MGST1: variants seen among roughly 807,000 people sequenced by gnomAD.
MGST1 encodes glutathione S-transferase 12.
MGST1 carries 5 observed loss-of-function variants against 8.9 expected under a neutral mutation model. The observed-to-expected ratio is 0.56, with a 90% confidence interval of 0.29 to 1.19. The LOEUF (loss-of-function observed/expected upper bound fraction) is 1.19, where lower values mean the gene tolerates loss of function less well. MGST1 is among the 50% of genes most tolerant of loss of function. The probability of loss-of-function intolerance (pLI) is 0.08; values close to 1 mark genes in which losing one functional copy is unlikely to be tolerated. For missense variants in MGST1, 182 were observed against 187.4 expected, an observed-to-expected ratio of 0.97 and a Z score of 0.17; for synonymous variants, 54 against 67.8, an observed-to-expected ratio of 0.80 and a Z score of 1.00.
At chr12:16,424,792 G>A (rs193256852) in intron 1 of MGST1, among the ~76,000 whole-genome samples, 9 of 152,256 alleles carry the variant, frequency 5.9e-5, no homozygotes, top group Admixed American at 5.9e-4. Flanking sequence ...TCATTAAAAT[G>A]AGAGTCATCC....
At chr12:16,565,411 A>T (rs1429722640) in intron 4 of MGST1, among the ~76,000 whole-genome samples, 1 of 152,172 alleles carries the variant, frequency 6.6e-6, no homozygotes, top group Admixed American at 6.5e-5. Flanking sequence ...AACACTTTAA[A>T]CATTCAATTC....
intron 1 of MGST1, among the ~76,000 whole-genome samples, chr12:16,394,562 CT>C (rs760035221): frequency 0.18 from 11,852 of 64,272 alleles, 926 homozygotes; most frequent in Admixed American, 0.24. Context: ...TTCTTTCTTT[CT>C]TTCTTTCTTT....
At chr12:16,498,233 G>A (rs117327298) in intron 4 of MGST1, among the ~76,000 whole-genome samples, 355 of 152,268 alleles carry the variant, frequency 2.3e-3, no homozygotes, top group Non-Finnish European at 4.1e-3. Context: ...ACTTCTGGCT[G>A]AGCTGAAAGA....
chr12:16,402,388 A>G (rs909717751), intron 1 of MGST1: 421 of 1,604,636 alleles, frequency 2.6e-4, no homozygotes, highest in Non-Finnish European at 3.3e-4. Context: ...TCACTCACCG[A>G]TAATAAGCGT....
At chr12:16,442,328 C>G (rs1010848836), downstream of MGST1, among the ~76,000 whole-genome samples, 8 of 151,704 alleles carry the variant, frequency 5.3e-5, no homozygotes, top group African/African-American at 1.7e-4. This position sits in a 1 kb window ranked among gnomAD's most constrained non-coding sequence, Gnocchi z 4.5. Context: ...TGAAGTCTAG[C>G]TTATCAATTA....
chr12:16,366,825 A>G (rs1940200839), downstream of MGST1, among the ~76,000 whole-genome samples: 1 of 152,166 alleles, frequency 6.6e-6, no homozygotes, highest in Non-Finnish European at 1.5e-5. The surrounding 1 kb of genome is among the most constrained non-coding windows in gnomAD (Gnocchi z 4.0). Flanking sequence ...TTCAAGGTCC[A>G]CTGAAACTGG....
At chr12:16,529,222 C>T (rs945412043) in intron 4 of MGST1, among the ~76,000 whole-genome samples, 1 of 151,890 alleles carries the variant, frequency 6.6e-6, no homozygotes, top group Non-Finnish European at 1.5e-5. Context: ...TTCTTCTTTC[C>T]CAGGATACCC....
At chr12:16,435,992 T>TACACACAC (rs35784515) in intron 1 of MGST1, among the ~76,000 whole-genome samples, 101 of 149,386 alleles carry the variant, frequency 6.8e-4, no homozygotes, top group African/African-American at 1.6e-3. Flanking sequence ...CTGCTGCAAA[T>TACACACAC]ACACACACAC....
At chr12:16,580,166 A>G (rs945390635) in intron 4 of MGST1, among the ~76,000 whole-genome samples, 3 of 152,174 alleles carry the variant, frequency 2.0e-5, no homozygotes, top group African/African-American at 7.2e-5. Flanking sequence ...GGATCTCTCT[A>G]TGTTGCCCAG....
chr12:16,547,374 G>A lies in MGST1; in HGVS notation n.483-42154G>A, dbSNP rs1941837504. Among the ~76,000 whole-genome samples, 1 of 152,130 alleles carries A rather than the reference G, an allele frequency of 6.6e-6. No individual in the cohort carries two copies. The highest frequency in any genetic ancestry group is 2.4e-5 in the African/African-American group (1 of 41,444). ...ATGTTCTTTTTTATCATGTGCTATT[G>A]AGTTAATGAGTAATTTGTGTGCGAT... is the stretch of plus-strand genomic sequence containing the variant. On this transcript the variant is annotated intron_variant and non_coding_transcript_variant, in intron 4 of 4. Coordinates refer to the MGST1 transcript ENST00000538857. This position sits in a 1 kb window ranked among gnomAD's most constrained non-coding sequence, Gnocchi z 4.6.
intron 4 of MGST1, among the ~76,000 whole-genome samples, chr12:16,553,912 A>ACTGTAAGTATATTAACAGGCTACAATT (rs1942086130): frequency 6.6e-6 from 1 of 151,986 alleles, no homozygotes; most frequent in African/African-American, 2.4e-5. Flanking sequence ...GCCAGAGGAT[A>ACTGTAAGTATATTAACAGGCTACAATT]CTGTAAGTAT....
In MGST1 at chr12:16,350,785, T is replaced by A. The variant is rs972455593; in HGVS notation, c.-23+3075T>A. The A allele has an allele frequency of 4.6e-5, 7 of 152,202 alleles. No homozygotes were observed. In the East Asian group the frequency reaches 1.3e-3, roughly 29 times the overall value. The allele number at this position is 152,202 out of a possible 1,614,324, so 9.4% of individuals were successfully genotyped here. A position where few individuals can be genotyped will look rare whatever the true frequency, so the allele number is the denominator to read the frequency against. ...GAAGATGTTACCCTGGAGAGATGGT[T>A]CATTGACTCATCAGGTGTGTGTCAG... On this transcript the variant is annotated intron_variant, in intron 1 of 3. Coordinates refer to ENST00000396210, the MANE Select transcript of MGST1 (RefSeq NM_020300.5).
intron 3 of MGST1, among the ~76,000 whole-genome samples, chr12:16,373,313 T>C (rs1940327538): frequency 6.6e-6 from 1 of 151,680 alleles, no homozygotes; most frequent in Non-Finnish European, 1.5e-5. Context: ...TATGGTTGGA[T>C]GGAAGGAATC....
chr12:16,390,199 G>A (rs10772927), intron 1 of MGST1, among the ~76,000 whole-genome samples: 25,788 of 143,620 alleles, frequency 0.18, 2,515 homozygotes, highest in East Asian at 0.43. Context: ...CACCTCAGGG[G>A]AAAAAAAAAA....
intron 4 of MGST1, among the ~76,000 whole-genome samples, chr12:16,534,893 A>G (rs1211393422): frequency 2.0e-5 from 3 of 152,164 alleles, no homozygotes; most frequent in Admixed American, 6.5e-5. Flanking sequence ...CCTGAACACT[A>G]CCAAATCTGA....
chr12:16,395,282 C>A (rs1274479345), intron 1 of MGST1, among the ~76,000 whole-genome samples: 3 of 152,064 alleles, frequency 2.0e-5, no homozygotes, highest in African/African-American at 7.2e-5. Context: ...TTGCAATAAA[C>A]CTCTGCCATA....
Position 16,513,529 on chromosome 12 carries a change from G to T in MGST1, n.483-75999G>T. 1 of 484,622 alleles carries T rather than the reference G, an allele frequency of 2.1e-6. No individual in the cohort carries two copies. Among genetic ancestry groups the T allele is most frequent in the Non-Finnish European group, 4.2e-6 (1 of 235,972 alleles). The allele number at this position is 484,622 out of a possible 1,614,324, so 30.0% of individuals were successfully genotyped here. A position where few individuals can be genotyped will look rare whatever the true frequency, so the allele number is the denominator to read the frequency against. ...GGGACCACCAGATCCCATCCTTGGAGTCACCGAAGGCTTTAAGAGGGACAC... is the reference window on the plus strand; with the variant it reads ...GGGACCACCAGATCCCATCCTTGGATTCACCGAAGGCTTTAAGAGGGACAC... On this transcript the variant is annotated intron_variant and non_coding_transcript_variant, in intron 4 of 4. Transcript: ENST00000538857. The surrounding 1 kb of genome is among the most constrained non-coding windows in gnomAD (Gnocchi z 4.2).
chr12:16,388,483 G>C (rs1940524001), intron 1 of MGST1, among the ~76,000 whole-genome samples: 1 of 152,110 alleles, frequency 6.6e-6, no homozygotes, highest in South Asian at 2.1e-4. Flanking sequence ...TAGCTGGCAG[G>C]GGCCAGTTGT....
intron 1 of MGST1, among the ~76,000 whole-genome samples, chr12:16,394,583 G>C (rs12308884): frequency 0.37 from 34,694 of 92,712 alleles, 5,412 homozygotes; most frequent in East Asian, 0.44. Flanking sequence ...TCTTCTCTCT[G>C]TCTCTCTTTT....
Sources: allele counts gnomAD v4.1 joint callset (sites outside exome capture counted in the v4.1 genomes callset), GRCh38; gene constraint gnomAD v4.1.1; non-coding constraint Gnocchi (gnomAD v3.1); transcripts MANE v1.5; gene names NCBI Gene and HGNC (gene_info 2026-07-23, HGNC 2026-07-21).